MAGI1: variants seen among roughly 807,000 people sequenced by gnomAD.
MAGI1 encodes the protein membrane associated guanylate kinase, WW and PDZ domain containing 1.
Under a neutral mutation model 139.9 loss-of-function variants are expected in MAGI1, and 58 were observed. That is an observed-to-expected ratio of 0.41 (90% CI 0.34 to 0.52). MAGI1 has a LOEUF of 0.52. Ranked by LOEUF, MAGI1 falls within the 20% of genes least tolerant of loss-of-function variation. MAGI1 has a pLI of 0.12. For missense variants in MAGI1, 1,874 were observed against 1,901.6 expected, an observed-to-expected ratio of 0.99 and a Z score of 0.27; for synonymous variants, 812 against 737.9, an observed-to-expected ratio of 1.10 and a Z score of -1.63.
intron 1 of MAGI1, among the ~76,000 whole-genome samples, chr3:65,679,939 G>A (rs1322187760): frequency 2.0e-5 from 3 of 152,190 alleles, no homozygotes; most frequent in Admixed American, 6.5e-5. Context: ...GACTACTGTA[G>A]GACCAGGATA....
intron 10 of MAGI1, among the ~76,000 whole-genome samples, chr3:65,433,394 G>A (rs1005787447): frequency 1.2e-4 from 18 of 152,140 alleles, no homozygotes; most frequent in Non-Finnish European, 2.4e-4. Flanking sequence ...GCAGAGCTTT[G>A]AAATTATACG....
intron 1 of MAGI1, among the ~76,000 whole-genome samples, chr3:65,762,361 C>T (rs1466146117): frequency 1.3e-5 from 2 of 151,954 alleles, no homozygotes; most frequent in Non-Finnish European, 2.9e-5. Flanking sequence ...AGGCGACTTG[C>T]AAGGCATTAA....
chr3:65,937,008 GT>G (rs768511299), intron 1 of MAGI1, among the ~76,000 whole-genome samples: 1 of 150,772 alleles, frequency 6.6e-6, no homozygotes, highest in Non-Finnish European at 1.5e-5. Flanking sequence ...GGTGGTGGTT[GT>G]TTTAATCTCT....
intron 1 of MAGI1, among the ~76,000 whole-genome samples, chr3:65,838,848 G>A (rs1446170304): frequency 1.3e-5 from 2 of 152,194 alleles, no homozygotes; most frequent in Non-Finnish European, 2.9e-5. Context: ...CACCAACAAT[G>A]TATGAGAGAC....
At chr3:65,564,169 G>A (rs886339656) in intron 2 of MAGI1, among the ~76,000 whole-genome samples, 5 of 152,032 alleles carry the variant, frequency 3.3e-5, no homozygotes, top group African/African-American at 9.7e-5. Flanking sequence ...CAACTGGAAC[G>A]GAGTGCAGGG....
At chr3:65,877,329 C>T (rs534227467) in intron 1 of MAGI1, among the ~76,000 whole-genome samples, 2 of 152,244 alleles carry the variant, frequency 1.3e-5, no homozygotes, top group Admixed American at 6.5e-5. Flanking sequence ...CCAACAAACA[C>T]GAAACTGGGA....
intron 1 of MAGI1, among the ~76,000 whole-genome samples, chr3:65,629,592 T>C (rs970271187): frequency 4.6e-5 from 7 of 151,152 alleles, no homozygotes; most frequent in South Asian, 2.1e-4. Flanking sequence ...AGTTCAGCAC[T>C]TCAGTTTTAT....
intron 1 of MAGI1, among the ~76,000 whole-genome samples, chr3:65,692,030 G>A (rs996353788): frequency 3.3e-5 from 5 of 152,148 alleles, no homozygotes; most frequent in South Asian, 2.1e-4. Flanking sequence ...TAAATATTCT[G>A]TATTTGTGAT....
chr3:66,001,381 AC>A (rs1361854079), intron 1 of MAGI1, among the ~76,000 whole-genome samples: 1 of 152,166 alleles, frequency 6.6e-6, no homozygotes, highest in Non-Finnish European at 1.5e-5. Flanking sequence ...AACCACTAAA[AC>A]CTCCACCAAC....
chr3:65,377,205 C>T (rs1370534379), intron 17 of MAGI1, among the ~76,000 whole-genome samples: 4 of 152,130 alleles, frequency 2.6e-5, no homozygotes, highest in Non-Finnish European at 5.9e-5. Context: ...GCTTGTATCA[C>T]AGAATGGAAC....
At chr3:65,976,582 G>A (rs989708332) in intron 1 of MAGI1, among the ~76,000 whole-genome samples, 1 of 152,190 alleles carries the variant, frequency 6.6e-6, no homozygotes, top group African/African-American at 2.4e-5. Context: ...AGTGAGCCAA[G>A]ATGGCACCAC....
rs2107497837 is a variant in MAGI1 at position 65,453,260 on chromosome 3, T to A, written c.1040A>T (p.Asp347Val). 6.2e-7 allele frequency: 1 copy of A among 1,613,542 alleles called. No individual in the cohort carries two copies. The highest frequency in any genetic ancestry group is 8.5e-7 in the Non-Finnish European group (1 of 1,179,844). ...CCAAGACCTGCCTGGCCCCTTACCA[T>A]CATCTTCACACTCTTCCAGTGGCTT... ...QQKPLEECEDDEGVHTEELDS... is the reference protein window; with the variant it reads ...QQKPLEECEDVEGVHTEELDS... Residue 347 changes from aspartate to valine, a missense_variant and splice_region_variant, in exon 6 of 23, where the codon GAT becomes GTT. Around this residue, in one of 5 missense-constraint regions of MAGI1, gnomAD observed 648 missense variants for 598.1 expected, o/e 1.08. Coordinates refer to ENST00000402939, the MANE Select transcript of MAGI1 (RefSeq NM_001033057.2).
intron 1 of MAGI1, among the ~76,000 whole-genome samples, chr3:65,967,923 C>T (rs551766988): frequency 2.0e-5 from 3 of 152,130 alleles, no homozygotes; most frequent in Non-Finnish European, 4.4e-5. Context: ...AGCGGTAATG[C>T]CCACACCTGG....
chr3:65,490,800 C>A (rs1276724236), intron 3 of MAGI1, among the ~76,000 whole-genome samples: 1 of 137,344 alleles, frequency 7.3e-6, no homozygotes, highest in African/African-American at 2.7e-5. Context: ...GCTGAGACTG[C>A]GCCACTGCAC....
intron 1 of MAGI1, among the ~76,000 whole-genome samples, chr3:65,934,075 C>T (rs915293054): frequency 4.6e-5 from 7 of 152,014 alleles, no homozygotes; most frequent in African/African-American, 1.7e-4. Flanking sequence ...GAGCTGAGAT[C>T]GCGCCACTGC....
chr3:65,692,222 C>A lies in MAGI1; in HGVS notation c.314-70134G>T, dbSNP rs183389269. Among the ~76,000 whole-genome samples the A allele has an allele frequency of 5.9e-3, 893 of 152,082 alleles. 5 individuals carry two copies. Among genetic ancestry groups the A allele is most frequent in the African/African-American group, 0.02 (830 of 41,480 alleles). On this transcript the variant is annotated intron_variant, in intron 1 of 22. Coordinates refer to ENST00000402939, the MANE Select transcript of MAGI1 (RefSeq NM_001033057.2). ...TGAGAACTCTCAATGTTAGAACATG[C>A]GATACAAAATCCATGTTTTAAATGT...
chr3:65,999,534 T>C (rs2066630205), intron 1 of MAGI1, among the ~76,000 whole-genome samples: 1 of 152,048 alleles, frequency 6.6e-6, no homozygotes, highest in Non-Finnish European at 1.5e-5. Flanking sequence ...TTATGGCAAA[T>C]ATATGGTGAA....
chr3:65,883,961 C>T (rs562121314), intron 1 of MAGI1, among the ~76,000 whole-genome samples: 4 of 152,068 alleles, frequency 2.6e-5, no homozygotes, highest in African/African-American at 9.7e-5. Context: ...GAAAAGAATT[C>T]TTTCTGAATC....
At chr3:65,767,764 T>C (rs1464276686) in intron 1 of MAGI1, among the ~76,000 whole-genome samples, 2 of 152,052 alleles carry the variant, frequency 1.3e-5, no homozygotes, top group Non-Finnish European at 2.9e-5. Context: ...TTAGGAGAAA[T>C]GACAAAAAAG....
Sources: allele counts gnomAD v4.1 joint callset (sites outside exome capture counted in the v4.1 genomes callset), GRCh38; gene constraint gnomAD v4.1.1; regional missense constraint gnomAD v4.1.1; transcripts MANE v1.5; gene names NCBI Gene and HGNC (gene_info 2026-07-23, HGNC 2026-07-21).